The following TMEM163 variants were observed in gnomAD, a reference collection of about 807,000 sequenced individuals.
The protein encoded by TMEM163 is transmembrane protein 163.
TMEM163 carries 17 observed loss-of-function variants against 29.3 expected under a neutral mutation model. That is an observed-to-expected ratio of 0.58 (90% CI 0.40 to 0.87). The LOEUF is 0.87. Ranked by LOEUF, TMEM163 falls within the 40% of genes least tolerant of loss-of-function variation. The probability of loss-of-function intolerance (pLI) is 0.00; values close to 1 mark genes in which losing one functional copy is unlikely to be tolerated. For missense variants in TMEM163, 303 were observed against 381.5 expected (o/e 0.79, Z 1.71); for synonymous variants, 157 against 160.6 (o/e 0.98, Z 0.17).
intron 2 of TMEM163, among the ~76,000 whole-genome samples, chr2:134,680,447 G>A (rs1684205472): frequency 6.6e-6 from 1 of 151,966 alleles, no homozygotes; most frequent in South Asian, 2.1e-4. Flanking sequence ...GCTAGACCCT[G>A]TCTCAAAAAC....
intron 2 of TMEM163, among the ~76,000 whole-genome samples, chr2:134,664,994 C>G (rs528570844): frequency 6.6e-6 from 1 of 152,208 alleles, no homozygotes; most frequent in Admixed American, 6.5e-5. Flanking sequence ...CACCTCAGCT[C>G]CCCTGAGGAG....
chr2:134,465,336 C>T (rs1412472687), intron 6 of TMEM163, among the ~76,000 whole-genome samples: 1 of 152,040 alleles, frequency 6.6e-6, no homozygotes, highest in East Asian at 1.9e-4. Flanking sequence ...AAAGAATCCA[C>T]ATATTTCTGC....
chr2:134,457,394 C>G (rs944298775), intron 7 of TMEM163, among the ~76,000 whole-genome samples: 1 of 152,212 alleles, frequency 6.6e-6, no homozygotes, highest in Non-Finnish European at 1.5e-5. Context: ...GTTCCACTTT[C>G]GCCACGTCCT....
chr2:134,583,633 T>A (rs535710690), intron 2 of TMEM163, among the ~76,000 whole-genome samples: 30 of 152,206 alleles, frequency 2.0e-4, no homozygotes, highest in East Asian at 1.5e-3. Flanking sequence ...GTTCACCACA[T>A]CCATGCAGCT....
chr2:134,497,835 C>T, intron 5 of TMEM163, among the ~76,000 whole-genome samples: 1 of 152,178 alleles, frequency 6.6e-6, no homozygotes, highest in South Asian at 2.1e-4. Flanking sequence ...ACAGCTACAG[C>T]TGACTGAAGC....
intron 2 of TMEM163, among the ~76,000 whole-genome samples, chr2:134,565,406 G>A (rs540943858): frequency 6.6e-6 from 1 of 152,150 alleles, no homozygotes; most frequent in East Asian, 1.9e-4. Context: ...AGGAGTTCGA[G>A]ACCAGCCTGG....
intron 2 of TMEM163, among the ~76,000 whole-genome samples, chr2:134,677,417 T>C (rs924212783): frequency 2.6e-5 from 4 of 152,168 alleles, no homozygotes. Context: ...AAAATAAAAG[T>C]GGCAGTGGCC....
intron 2 of TMEM163, among the ~76,000 whole-genome samples, chr2:134,702,715 G>A (rs1341485957): frequency 6.6e-6 from 1 of 151,788 alleles, no homozygotes; most frequent in African/African-American, 2.4e-5. Flanking sequence ...ACAAGAGCTG[G>A]AAAATTTTTT....
chr2:134,692,548 G>A (rs187508503), intron 2 of TMEM163, among the ~76,000 whole-genome samples: 3 of 152,280 alleles, frequency 2.0e-5, no homozygotes, highest in Non-Finnish European at 4.4e-5. Context: ...GAGGCTGGAA[G>A]TCCAAGATCC....
chr2:134,718,967 C>CGCTT lies in TMEM163; in HGVS notation c.-33_-32insAAGC, dbSNP rs1276232590. On this transcript the variant is annotated 5_prime_UTR_variant, in exon 1 of 8. Coordinates refer to ENST00000281924, the MANE Select transcript of TMEM163 (RefSeq NM_030923.5). ...GGGCTGCGGATCCCGGCGGCGGCGA[C>CGCTT]GACAAGCGCGGCGGGGACTCGAGTC... The CGCTT allele has an allele frequency of 9.7e-7, 1 of 1,028,768 alleles. No homozygotes were observed. Among genetic ancestry groups the CGCTT allele is most frequent in the Non-Finnish European group, 1.2e-6 (1 of 860,020 alleles). The allele number at this position is 1,028,768 out of a possible 1,614,324, so 63.7% of individuals were successfully genotyped here.
chr2:134,572,013 T>A (rs575961977), intron 2 of TMEM163, among the ~76,000 whole-genome samples: 1 of 152,354 alleles, frequency 6.6e-6, no homozygotes, highest in African/African-American at 2.4e-5. Flanking sequence ...ACTAGCTATG[T>A]TGCCAAACAG....
At chr2:134,598,860 G>T (rs1272516148) in intron 2 of TMEM163, among the ~76,000 whole-genome samples, 2 of 151,302 alleles carry the variant, frequency 1.3e-5, no homozygotes, top group African/African-American at 4.9e-5. Flanking sequence ...GTGGGGGGTT[G>T]CAGTGAGCCT....
At chr2:134,656,969 C>T (rs540797149) in intron 2 of TMEM163, among the ~76,000 whole-genome samples, 1 of 152,210 alleles carries the variant, frequency 6.6e-6, no homozygotes, top group African/African-American at 2.4e-5. Flanking sequence ...GAATTAACTT[C>T]TTGATGTGCT....
intron 2 of TMEM163, among the ~76,000 whole-genome samples, chr2:134,665,855 C>T (rs1297831706): frequency 1.3e-5 from 2 of 152,186 alleles, no homozygotes; most frequent in Non-Finnish European, 2.9e-5. Flanking sequence ...CAAGATACTG[C>T]ATCTAAGCTC....
chr2:134,550,514 C>A lies in TMEM163; in HGVS notation c.458+56G>T. 6 of 1,537,424 alleles carry A rather than the reference C, an allele frequency of 3.9e-6. 1 individual carries two copies. In the South Asian group the frequency reaches 6.7e-5, roughly 17 times the overall value. ...GCAAGCTGTGTTGAGGGCCTCATTCCGTGGCCTTCATCTGCACGGGTTCTT... is the reference window on the plus strand; with the variant it reads ...GCAAGCTGTGTTGAGGGCCTCATTCAGTGGCCTTCATCTGCACGGGTTCTT... On this transcript the variant is annotated intron_variant, in intron 4 of 7. Transcript: ENST00000281924.
chr2:134,549,011 C>A (rs949492179), intron 4 of TMEM163, among the ~76,000 whole-genome samples: 4 of 150,254 alleles, frequency 2.7e-5, no homozygotes, highest in Non-Finnish European at 5.9e-5. Context: ...CTACTATTTT[C>A]TAGTTTTTTT....
intron 2 of TMEM163, among the ~76,000 whole-genome samples, chr2:134,581,212 C>A (rs1200945122): frequency 6.6e-6 from 1 of 152,126 alleles, no homozygotes; most frequent in East Asian, 1.9e-4. Context: ...TAACCTTGAT[C>A]TTCCTTTTTT....
chr2:134,700,099 G>A (rs1165947976), intron 2 of TMEM163, among the ~76,000 whole-genome samples: 1 of 151,388 alleles, frequency 6.6e-6, no homozygotes, highest in African/African-American at 2.4e-5. Context: ...TTACACTTTT[G>A]ATAATTTCTG....
chr2:134,620,045 C>A (rs1047373474), intron 2 of TMEM163, among the ~76,000 whole-genome samples: 4 of 152,080 alleles, frequency 2.6e-5, no homozygotes, highest in South Asian at 4.1e-4. Flanking sequence ...AAGAGAAATT[C>A]TTTACATCCA....
Sources: allele counts gnomAD v4.1 joint callset (sites outside exome capture counted in the v4.1 genomes callset), GRCh38; gene constraint gnomAD v4.1.1; transcripts MANE v1.5; gene names NCBI Gene and HGNC (gene_info 2026-07-23, HGNC 2026-07-21).